Variants in CNTN4 observed in about 807,000 individuals in gnomAD.
CNTN4 encodes the protein contactin 4.
A neutral mutation model predicts 122.5 loss-of-function variants in CNTN4; 77 were observed. That is an observed-to-expected ratio of 0.63 (90% CI 0.52 to 0.76). CNTN4 has a LOEUF of 0.76. Among genes scored for constraint, CNTN4 ranks in the 30% least tolerant of loss-of-function variants. The pLI, the probability that CNTN4 is intolerant of heterozygous loss-of-function variation, is 0.00. For missense variants in CNTN4, 1,256 were observed against 1,259.1 expected (o/e 1.00, Z 0.04); for synonymous variants, 512 against 447.0 (o/e 1.15, Z -1.83).
intron 4 of CNTN4, among the ~76,000 whole-genome samples, chr3:2,727,293 T>A (rs2088299656): frequency 6.6e-6 from 1 of 152,220 alleles, no homozygotes; most frequent in Non-Finnish European, 1.5e-5. Flanking sequence ...ATCAAACGCA[T>A]TTCTAATTCT....
intron 4 of CNTN4, among the ~76,000 whole-genome samples, chr3:2,702,406 G>C (rs2086406396): frequency 6.6e-6 from 1 of 152,234 alleles, no homozygotes; most frequent in Non-Finnish European, 1.5e-5. Context: ...TAACAAATGT[G>C]ATGTAGCATA....
At chr3:2,550,667 A>G (rs938420801) in intron 3 of CNTN4, among the ~76,000 whole-genome samples, 2 of 152,222 alleles carry the variant, frequency 1.3e-5, no homozygotes, top group African/African-American at 4.8e-5. Flanking sequence ...TTATTGCAGC[A>G]CTATTCACAA....
chr3:2,333,527 A>C (rs1187258875), intron 2 of CNTN4, among the ~76,000 whole-genome samples: 1 of 152,236 alleles, frequency 6.6e-6, no homozygotes, highest in Non-Finnish European at 1.5e-5. Context: ...GTACCCAATG[A>C]AAGTCCCAAG....
intron 2 of CNTN4, among the ~76,000 whole-genome samples, chr3:2,181,100 T>A (rs1021122222): frequency 6.6e-6 from 1 of 152,100 alleles, no homozygotes; most frequent in Non-Finnish European, 1.5e-5. Context: ...TAAAGTGAAC[T>A]TGCAAAATCA....
intron 7 of CNTN4, among the ~76,000 whole-genome samples, chr3:2,830,425 G>C (rs2093079712): frequency 6.6e-6 from 1 of 152,214 alleles, no homozygotes; most frequent in Non-Finnish European, 1.5e-5. Context: ...GATCCATAAG[G>C]CTAAATGATC....
intron 4 of CNTN4, among the ~76,000 whole-genome samples, chr3:2,587,508 G>A (rs145109081): frequency 2.6e-5 from 4 of 152,212 alleles, no homozygotes; most frequent in Non-Finnish European, 5.9e-5. Flanking sequence ...CTTGGATACC[G>A]TCTTTGGGAA....
At chr3:2,380,326 C>T (rs1391190563) in intron 3 of CNTN4, among the ~76,000 whole-genome samples, 1 of 152,086 alleles carries the variant, frequency 6.6e-6, no homozygotes, top group Non-Finnish European at 1.5e-5. Flanking sequence ...GTCCAGGAAT[C>T]TGTTTTTCTC....
intron 3 of CNTN4, among the ~76,000 whole-genome samples, chr3:2,492,706 C>G (rs558481017): frequency 1.3e-4 from 20 of 152,118 alleles, no homozygotes; most frequent in African/African-American, 4.6e-4. Flanking sequence ...TTTTATGACA[C>G]TTTGGATCCT....
chr3:2,479,448 A>C lies in CNTN4; in HGVS notation c.-88-91968A>C, dbSNP rs145800052. ...GCCTTGAAGGTCACCATAAGTGAAC[A>C]GAATGTAGAGGAAGGGTCAGCCCAT... On this transcript the variant is annotated intron_variant, in intron 3 of 24. Transcript: ENST00000418658. Among the ~76,000 whole-genome samples, 520 of 152,354 alleles carry C rather than the reference A, an allele frequency of 3.4e-3. 17 individuals are homozygous for C. The highest frequency in any genetic ancestry group is 0.032 in the Admixed American group (495 of 15,304).
intron 13 of CNTN4, among the ~76,000 whole-genome samples, chr3:2,954,361 G>C (rs565369482): frequency 6.6e-6 from 1 of 152,172 alleles, no homozygotes; most frequent in African/African-American, 2.4e-5. Context: ...ACTTGCAAAA[G>C]ATCAGTTACT....
chr3:3,045,724 C>G (rs1304566924), intron 23 of CNTN4, among the ~76,000 whole-genome samples: 1 of 152,200 alleles, frequency 6.6e-6, no homozygotes, highest in African/African-American at 2.4e-5. Flanking sequence ...CAGAGCACCT[C>G]TCCTCCTCCA....
Position 2,530,560 on chromosome 3 carries a change from A to G in CNTN4, c.-88-40856A>G, listed in dbSNP as rs993773276. Among the ~76,000 whole-genome samples, 7 of 152,146 alleles carry G rather than the reference A, an allele frequency of 4.6e-5. No individual in the cohort carries two copies. In the South Asian group the frequency reaches 1.2e-3, roughly 27 times the overall value. On this transcript the variant is annotated intron_variant, in intron 3 of 24. Coordinates refer to ENST00000418658, the MANE Select transcript of CNTN4 (RefSeq NM_175607.3). ...CCTGACCTCGTGATCTGCCTGCCTC[A>G]GCCTCCCAAAGTGCTGGGATTACAA...
intron 7 of CNTN4, among the ~76,000 whole-genome samples, chr3:2,853,369 C>T (rs775711806): frequency 6.6e-6 from 1 of 152,096 alleles, no homozygotes; most frequent in African/African-American, 2.4e-5. Flanking sequence ...CTCAGCCTCC[C>T]AAGTAGCTGA....
intron 3 of CNTN4, among the ~76,000 whole-genome samples, chr3:2,429,866 A>T (rs1207898122): frequency 6.6e-6 from 1 of 152,156 alleles, no homozygotes; most frequent in African/African-American, 2.4e-5. Context: ...CTCCGTGGGC[A>T]TGGGACCCTC....
chr3:2,589,684 A>G (rs2080370917), intron 4 of CNTN4, among the ~76,000 whole-genome samples: 1 of 152,236 alleles, frequency 6.6e-6, no homozygotes, highest in South Asian at 2.1e-4. Context: ...ATACTCCAGT[A>G]TCAGCTGGGG....
At chr3:2,827,197 C>G (rs2093004944) in intron 7 of CNTN4, among the ~76,000 whole-genome samples, 1 of 152,120 alleles carries the variant, frequency 6.6e-6, no homozygotes, top group African/African-American at 2.4e-5. Context: ...CCAGCTTACT[C>G]CCTCTACTTT....
rs1421191258 is a variant in CNTN4, at chr3:2,727,259, C to G, written c.56-8956C>G. 2.0e-5 allele frequency among the ~76,000 whole-genome samples: 3 copies of G among 152,176 alleles called. No individual in the cohort carries two copies. In the East Asian group the frequency reaches 5.8e-4, roughly 29 times the overall value. On this transcript the variant is annotated intron_variant, in intron 4 of 24. Coordinates refer to ENST00000418658, the MANE Select transcript of CNTN4 (RefSeq NM_175607.3). ...CAGTGTTACATAATAGCATCCCCAG[C>G]TGAGTCTGGGTCAGCACTGCATAAT...
intron 2 of CNTN4, among the ~76,000 whole-genome samples, chr3:2,177,080 T>G (rs1320763716): frequency 6.6e-6 from 1 of 152,130 alleles, no homozygotes; most frequent in Non-Finnish European, 1.5e-5. Flanking sequence ...TATCAAATAG[T>G]TAAATGCGGA....
At chr3:2,677,320 C>A (rs2084912092) in intron 4 of CNTN4, among the ~76,000 whole-genome samples, 2 of 141,086 alleles carry the variant, frequency 1.4e-5, no homozygotes, top group African/African-American at 2.7e-5. Flanking sequence ...GAAGATGTAA[C>A]CCATTGAGAT....
Sources: allele counts gnomAD v4.1 joint callset (sites outside exome capture counted in the v4.1 genomes callset), GRCh38; gene constraint gnomAD v4.1.1; transcripts MANE v1.5; gene names NCBI Gene and HGNC (gene_info 2026-07-23, HGNC 2026-07-21).